AK5: variants seen among roughly 807,000 people sequenced by gnomAD.
The protein encoded by AK5 is adenylate kinase isoenzyme 5.
A neutral mutation model predicts 69.5 loss-of-function variants in AK5; 27 were observed. The ratio of observed to expected loss-of-function variants is 0.39; its 90% CI spans 0.29 to 0.54. The LOEUF is 0.54. AK5 is among the 20% of genes least tolerant of loss of function. The pLI, the probability that AK5 is intolerant of heterozygous loss-of-function variation, is 0.71. For missense variants in AK5, 531 were observed against 700.4 expected, an observed-to-expected ratio of 0.76 and a Z score of 2.73; for synonymous variants, 260 against 244.4, an observed-to-expected ratio of 1.06 and a Z score of -0.60.
chr1:77,322,248 C>A (rs1404457167), intron 5 of AK5, among the ~76,000 whole-genome samples: 1 of 149,360 alleles, frequency 6.7e-6, no homozygotes, highest in Non-Finnish European at 1.5e-5. Flanking sequence ...AGGATTTAAT[C>A]TGTTTGTAGT....
intron 10 of AK5, among the ~76,000 whole-genome samples, chr1:77,513,264 A>G (rs1472679474): frequency 6.6e-6 from 1 of 152,060 alleles, no homozygotes; most frequent in Non-Finnish European, 1.5e-5. Flanking sequence ...CCCCTTCCTA[A>G]GGAGTCCCAG....
intron 5 of AK5, among the ~76,000 whole-genome samples, chr1:77,303,574 C>T (rs1192396701): frequency 1.3e-5 from 2 of 152,230 alleles, no homozygotes; most frequent in African/African-American, 4.8e-5. Context: ...TGACATCACA[C>T]TTCCTGTCGC....
At chr1:77,481,394 T>C (rs1557624662) in intron 8 of AK5, among the ~76,000 whole-genome samples, 2 of 152,140 alleles carry the variant, frequency 1.3e-5, no homozygotes, top group Non-Finnish European at 2.9e-5. Flanking sequence ...ATAATTGATG[T>C]TTTTTCTATT....
chr1:77,506,944 A>T (rs1657064702), intron 10 of AK5, among the ~76,000 whole-genome samples: 1 of 152,114 alleles, frequency 6.6e-6, no homozygotes, highest in Middle Eastern at 3.2e-3. Flanking sequence ...GGCTGCAGTG[A>T]GCCAAGATCA....
chr1:77,402,523 C>T (rs1164597237), intron 6 of AK5, among the ~76,000 whole-genome samples: 1 of 149,750 alleles, frequency 6.7e-6, no homozygotes, highest in East Asian at 2.0e-4. Flanking sequence ...TCAATTCCCA[C>T]CTATGAGTGA....
chr1:77,494,651 G>A (rs1019896187), intron 10 of AK5, among the ~76,000 whole-genome samples: 6 of 152,068 alleles, frequency 3.9e-5, no homozygotes, highest in African/African-American at 1.4e-4. Context: ...GAAGCATGAA[G>A]GCAATTAAAT....
At chr1:77,404,052 T>G (rs1411257188) in intron 6 of AK5, among the ~76,000 whole-genome samples, 2 of 152,196 alleles carry the variant, frequency 1.3e-5, no homozygotes, top group Admixed American at 1.3e-4. Flanking sequence ...TTTATTCTCT[T>G]TGAAGCAATT....
chr1:77,288,935 A>G (rs17100185), intron 2 of AK5, among the ~76,000 whole-genome samples: 11,184 of 152,232 alleles, frequency 0.073, 517 homozygotes, highest in East Asian at 0.2. Flanking sequence ...GTTACATTCT[A>G]TGGGAAGTCC....
intron 8 of AK5, among the ~76,000 whole-genome samples, chr1:77,480,249 T>G (rs1655179303): frequency 6.6e-6 from 1 of 152,164 alleles, no homozygotes; most frequent in Non-Finnish European, 1.5e-5. Flanking sequence ...ATCAAACATC[T>G]CATTCACCTG....
At chr1:77,387,561 T>G (rs1350493331) in intron 6 of AK5, among the ~76,000 whole-genome samples, 6 of 152,204 alleles carry the variant, frequency 3.9e-5, no homozygotes, top group African/African-American at 1.4e-4. Context: ...ACAATTCCCA[T>G]TAGGCATTCT....
chr1:77,472,402 G>C (rs6603950), intron 8 of AK5, among the ~76,000 whole-genome samples: 1 of 151,902 alleles, frequency 6.6e-6, no homozygotes, highest in South Asian at 2.1e-4. Context: ...TCCCATGTGT[G>C]TCTCTCTTTT....
intron 5 of AK5, among the ~76,000 whole-genome samples, chr1:77,333,225 C>T (rs1661179394): frequency 6.6e-6 from 1 of 152,132 alleles, no homozygotes; most frequent in Non-Finnish European, 1.5e-5. Flanking sequence ...TCTGAGGCCC[C>T]ACCTCATAAC....
At chr1:77,419,057 A>G (rs1223998647) in intron 8 of AK5, among the ~76,000 whole-genome samples, 1 of 152,176 alleles carries the variant, frequency 6.6e-6, no homozygotes, top group Non-Finnish European at 1.5e-5. Context: ...CAGACAAAAA[A>G]AAAAAGGACT....
chr1:77,473,201 T>G (rs987426828), intron 8 of AK5, among the ~76,000 whole-genome samples: 1 of 128,894 alleles, frequency 7.8e-6, no homozygotes, highest in African/African-American at 3.1e-5. Context: ...CTTCTTGGGG[T>G]TTTTTTTTTT....
chr1:77,476,545 G>A (rs537966369), intron 8 of AK5, among the ~76,000 whole-genome samples: 2 of 152,176 alleles, frequency 1.3e-5, no homozygotes, highest in South Asian at 2.1e-4. Context: ...ATCCATCTTC[G>A]TTTCTATTCA....
chr1:77,369,131 T>C (rs930533875), intron 6 of AK5, among the ~76,000 whole-genome samples: 4 of 152,132 alleles, frequency 2.6e-5, no homozygotes, highest in African/African-American at 9.7e-5. Flanking sequence ...TTTTAAAATG[T>C]TTTATAAAAA....
chr1:77,549,188 T>C (rs981044157), intron 13 of AK5, among the ~76,000 whole-genome samples: 2 of 152,164 alleles, frequency 1.3e-5, no homozygotes, highest in African/African-American at 4.8e-5. Context: ...CTTTTAGCTT[T>C]TTAATAAAAT....
chr1:77,359,244 ACT>A lies in AK5; in HGVS notation c.891+18679_891+18680del, dbSNP rs1483990362. 2.7e-5 allele frequency among the ~76,000 whole-genome samples: 4 copies of A among 149,870 alleles called. No individual in the cohort carries two copies. The East Asian group carries it at 5.9e-4, about 22-fold the overall frequency. ...CACTCCAGCCTGGCGACAGAGCGAG[ACT>A]CTGTCTCAAAAAAAAAAAAAGAATT... is the stretch of plus-strand genomic sequence containing the variant. On this transcript the variant is annotated intron_variant, in intron 6 of 13. Coordinates refer to ENST00000354567, the MANE Select transcript of AK5 (RefSeq NM_174858.3).
At chr1:77,379,255 A>C (rs1647458427) in intron 6 of AK5, among the ~76,000 whole-genome samples, 1 of 152,210 alleles carries the variant, frequency 6.6e-6, no homozygotes, top group Non-Finnish European at 1.5e-5. Flanking sequence ...CGATGGATGC[A>C]GTTGGCATCT....
Sources: allele counts gnomAD v4.1 joint callset (sites outside exome capture counted in the v4.1 genomes callset), GRCh38; gene constraint gnomAD v4.1.1; transcripts MANE v1.5; gene names NCBI Gene and HGNC (gene_info 2026-07-23, HGNC 2026-07-21).